CUX1: variants seen among roughly 807,000 people sequenced by gnomAD.
CUX1 encodes the protein protein CASP.
CUX1 carries 31 observed loss-of-function variants against 158.8 expected under a neutral mutation model. That is an observed-to-expected ratio of 0.20 (90% confidence interval 0.15 to 0.26). The LOEUF (loss-of-function observed/expected upper bound fraction) is 0.26, where lower values mean the gene tolerates loss of function less well. Among genes scored for constraint, CUX1 ranks in the 10% least tolerant of loss-of-function variants. The pLI is 1.00. For synonymous variants in CUX1, 879 were observed against 862.1 expected (o/e 1.02, Z -0.34); for missense variants, 1,589 against 2,014.6 (o/e 0.79, Z 4.04).
chr7:102,283,095 C>A (rs1792235087), exon 23 of CUX1: 2 of 1,613,058 alleles, frequency 1.2e-6, no homozygotes, highest in African/African-American at 1.3e-5. Flanking sequence ...CAGTGATACC[C>A]CGGGGCCTCC....
intron 1 of CUX1, among the ~76,000 whole-genome samples, chr7:101,846,763 G>C (rs1279840197): frequency 6.6e-6 from 1 of 152,164 alleles, no homozygotes; most frequent in Admixed American, 6.5e-5. Context: ...ATTAAGACCA[G>C]TTGCTAGCTT....
At chr7:102,110,573 A>T (rs1381017528) in intron 6 of CUX1, among the ~76,000 whole-genome samples, 1 of 152,212 alleles carries the variant, frequency 6.6e-6, no homozygotes, top group Non-Finnish European at 1.5e-5. Context: ...TTTATGTTAC[A>T]CTATAGTGTG....
chr7:102,208,589 T>G (rs1320710074), intron 20 of CUX1, among the ~76,000 whole-genome samples: 1 of 152,214 alleles, frequency 6.6e-6, no homozygotes, highest in Non-Finnish European at 1.5e-5. Flanking sequence ...ACAGTGGTTT[T>G]TAGTAAATCC....
intron 3 of CUX1, among the ~76,000 whole-genome samples, chr7:102,029,953 T>C (rs1316259549): frequency 6.6e-6 from 1 of 152,180 alleles, no homozygotes; most frequent in East Asian, 1.9e-4. Flanking sequence ...TTTTTCTTTC[T>C]TATTGAAAAA....
At chr7:102,090,264 G>A (rs1041856396) in intron 4 of CUX1, among the ~76,000 whole-genome samples, 1 of 151,904 alleles carries the variant, frequency 6.6e-6, no homozygotes, top group African/African-American at 2.4e-5. Context: ...GAATCAGAGT[G>A]TTTTGGATTT....
In CUX1 at chr7:102,255,111, G is replaced by A. The variant is rs1165999059; in HGVS notation, c.*6069G>A. The A allele has an allele frequency of 8.6e-5, 85 of 985,244 alleles. No individual in the cohort carries two copies. The highest frequency in any genetic ancestry group is 1.0e-4 in the African/African-American group (6 of 57,178). 61.0% of individuals were successfully genotyped at this position (985,244 alleles called of 1,614,324 possible). On this transcript the variant is annotated 3_prime_UTR_variant, in exon 24 of 24. Transcript: ENST00000292535. ...CAGTCTTCCCAATCCCAGAGGCCCC[G>A]GCGGCCTGTGCTCCTCACCACCCTG... is the stretch of plus-strand genomic sequence containing the variant.
intron 5 of CUX1, among the ~76,000 whole-genome samples, chr7:102,101,241 G>A (rs1829739964): frequency 2.6e-5 from 4 of 152,190 alleles, no homozygotes; most frequent in Admixed American, 6.5e-5. Context: ...GGGAACTTCT[G>A]CCTCATGGGC....
At chr7:102,182,032 T>TCTTC (rs1793141060) in intron 11 of CUX1, among the ~76,000 whole-genome samples, 2 of 152,362 alleles carry the variant, frequency 1.3e-5, no homozygotes, top group African/African-American at 4.8e-5. Context: ...TTTCTTTCTT[T>TCTTC]CTTCTTCCTG....
At position 102,115,250 on chromosome 7, in the gene CUX1, A is replaced by G. The variant is rs1554491451; in HGVS notation, c.651A>G (p.Lys217=). The G allele has an allele frequency of 6.2e-7, 1 of 1,610,874 alleles. No individual in the cohort carries two copies. The change falls in exon 8 of 24, where the codon AAA becomes AAG. Residue 217 remains lysine (K), a synonymous_variant. Coordinates refer to ENST00000292535, the MANE Select transcript of CUX1 (RefSeq NM_181552.4). The part of the protein sequence containing the change: ...TRTELFDLKT[K]YDEETTAKAD... Reference sequence around the variant, plus strand: ...CAGAATTATTTGACCTGAAAACCAAATACGATGAAGAAACTACTGCAAAGT... The same window carrying G: ...CAGAATTATTTGACCTGAAAACCAAGTACGATGAAGAAACTACTGCAAAGT...
chr7:102,139,863 G>A (rs1475402537), intron 8 of CUX1, among the ~76,000 whole-genome samples: 1 of 150,496 alleles, frequency 6.6e-6, no homozygotes, highest in East Asian at 2.0e-4. Context: ...TTGTTACATT[G>A]CCCAGGCTGG....
Position 101,868,190 on chromosome 7 carries a change from CT to C in CUX1, c.31-47924del, listed in dbSNP as rs1798122550. Among the ~76,000 whole-genome samples the C allele has an allele frequency of 2.6e-5, 4 of 152,176 alleles. No homozygotes were observed. The South Asian group carries it at 8.3e-4, about 32-fold the overall frequency. Reference sequence around the variant, plus strand: ...ATTCACTTGTGCCTTTAGCTGTTGTCTCTGTGTTGAGGAATCCAGAGTCCAG... The same window carrying C: ...ATTCACTTGTGCCTTTAGCTGTTGTCCTGTGTTGAGGAATCCAGAGTCCAG... On this transcript the variant is annotated intron_variant, in intron 1 of 23. Transcript: ENST00000292535.
intron 3 of CUX1, among the ~76,000 whole-genome samples, chr7:102,039,603 T>G (rs1008921750): frequency 2.0e-5 from 3 of 149,716 alleles, no homozygotes; most frequent in African/African-American, 7.4e-5. Context: ...TGCAGTAACC[T>G]ATGATCACAC....
At position 102,158,669 on chromosome 7, in the gene CUX1, C is replaced by T. The variant is rs374761179; in HGVS notation, c.723+61C>T. The T allele has an allele frequency of 4.4e-4, 663 of 1,507,304 alleles. 3 individuals are homozygous for T. Among genetic ancestry groups the T allele is most frequent in the Middle Eastern group, 2.4e-3 (14 of 5,862 alleles). 93.4% of individuals were successfully genotyped at this position (1,507,304 alleles called of 1,614,324 possible). On this transcript the variant is annotated intron_variant, in intron 9 of 23. Coordinates refer to ENST00000292535, the MANE Select transcript of CUX1 (RefSeq NM_181552.4). ...AATAGCGGGCCCGTTTCTGGCATCT[C>T]GGAAGATGCGTCACCCGAAGTTAGA...
At chr7:101,969,923 C>T (rs781060577) in intron 2 of CUX1, among the ~76,000 whole-genome samples, 2 of 148,978 alleles carry the variant, frequency 1.3e-5, no homozygotes, top group Non-Finnish European at 3.0e-5. Context: ...TCCACGGTCC[C>T]CTTTCTCCTT....
intron 2 of CUX1, among the ~76,000 whole-genome samples, chr7:101,980,666 C>T (rs146131085): frequency 2.0e-5 from 3 of 152,272 alleles, no homozygotes; most frequent in Non-Finnish European, 4.4e-5. Context: ...GGGGAGAGTG[C>T]GGTGACATAA....
chr7:101,992,864 C>G (rs1221091230), intron 2 of CUX1, among the ~76,000 whole-genome samples: 1 of 145,930 alleles, frequency 6.9e-6, no homozygotes, highest in Non-Finnish European at 1.5e-5. Flanking sequence ...TATTAGACAA[C>G]AATCTAGTTC....
At chr7:101,833,006 C>CT (rs1485104269) in intron 1 of CUX1, among the ~76,000 whole-genome samples, 1 of 152,148 alleles carries the variant, frequency 6.6e-6, no homozygotes, top group Non-Finnish European at 1.5e-5. Flanking sequence ...GGGAAAGTAA[C>CT]TTCGGGGCTG....
At chr7:101,996,967 G>GCTCCCCTGCGCTCGTGTGCA (rs369638779) in intron 2 of CUX1, among the ~76,000 whole-genome samples, 6,732 of 151,210 alleles carry the variant, frequency 0.045, 577 homozygotes, top group African/African-American at 0.16. Context: ...TCTGGGAATC[G>GCTCCCCTGCGCTCGTGTGCA]CTCCCCTGCG....
rs1009127319 is a variant in CUX1, at chr7:102,251,300, C to A, written c.*2258C>A. On this transcript the variant is annotated 3_prime_UTR_variant, in exon 24 of 24. Transcript: ENST00000292535. ...AGGTATGCTCTGGCTGTTCCACCTC[C>A]GTGTGCTTGTTAATTAACTTGTAGG... 2 of 985,132 alleles carry A rather than the reference C, an allele frequency of 2.0e-6. No individual in the cohort carries two copies. Among genetic ancestry groups the A allele is most frequent in the East Asian group, 1.1e-4 (1 of 8,828 alleles). The allele number at this position is 985,132 out of a possible 1,614,324, so 61.0% of individuals were successfully genotyped here. A position where few individuals can be genotyped will look rare whatever the true frequency, so the allele number is the denominator to read the frequency against.
Sources: allele counts gnomAD v4.1 joint callset (sites outside exome capture counted in the v4.1 genomes callset), GRCh38; gene constraint gnomAD v4.1.1; transcripts MANE v1.5; gene names NCBI Gene and HGNC (gene_info 2026-07-23, HGNC 2026-07-21).